THSD7A: variants seen among roughly 807,000 people sequenced by gnomAD.
The protein encoded by THSD7A is thrombospondin type-1 domain-containing protein 7A.
Under a neutral mutation model 231.3 loss-of-function variants are expected in THSD7A, and 96 were observed. The ratio of observed to expected loss-of-function variants is 0.41; its 90% CI spans 0.35 to 0.49. The LOEUF (loss-of-function observed/expected upper bound fraction) is 0.49. THSD7A is among the 20% of genes least tolerant of loss of function. The pLI, the probability that THSD7A is intolerant of heterozygous loss-of-function variation, is 0.05. For synonymous variants in THSD7A, 940 were observed against 743.3 expected (o/e 1.26, Z -4.30); for missense variants, 2,290 against 2,070.2 (o/e 1.11, Z -2.06).
chr7:11,433,196 C>G (rs1784532369), intron 13 of THSD7A, among the ~76,000 whole-genome samples: 1 of 152,008 alleles, frequency 6.6e-6, no homozygotes, highest in African/African-American at 2.4e-5. Flanking sequence ...TTGCAGTGAT[C>G]TACTTAAATC....
At position 11,683,202 on chromosome 7, in the gene THSD7A, G is replaced by C. The variant is rs551312592; in HGVS notation, c.191-46241C>G. Among the ~76,000 whole-genome samples, 3 of 151,316 alleles carry C rather than the reference G, an allele frequency of 2.0e-5. No homozygotes were observed. The South Asian group carries it at 6.2e-4, about 31-fold the overall frequency. On this transcript the variant is annotated intron_variant, in intron 1 of 27. Coordinates refer to ENST00000423059, the MANE Select transcript of THSD7A (RefSeq NM_015204.3). ...TAAGAATAGAAATCAATATCATCAG[G>C]AGCTCTTAAAAACCACACAAATACA...
At position 11,375,516 on chromosome 7, in the gene THSD7A, T is replaced by C. The variant is rs939343834; in HGVS notation, c.*278A>G. 3.8e-6 allele frequency: 1 copy of C among 266,148 alleles called. No homozygotes were observed. The highest frequency in any genetic ancestry group is 6.6e-5 in the East Asian group (1 of 15,094). The allele number at this position is 266,148 out of a possible 1,614,324, so 16.5% of individuals were successfully genotyped here. ...ATTTTTTAGAGATGAAAGTGGTTTT[T>C]CAGTCGGTAGATTTCAGAAAAGATG... On this transcript the variant is annotated 3_prime_UTR_variant, in exon 28 of 28. Coordinates refer to ENST00000423059, the MANE Select transcript of THSD7A (RefSeq NM_015204.3).
At position 11,504,210 on chromosome 7, in the gene THSD7A, C is replaced by G. The variant is rs556152674; in HGVS notation, c.1823-22228G>C. On this transcript the variant is annotated intron_variant, in intron 6 of 27. Transcript: ENST00000423059. ...CATCCTCAGAAAGCTAATGCAGGAA[C>G]AGAAAATCAAATACCACATGCTTTC... Among the ~76,000 whole-genome samples the G allele has an allele frequency of 5.9e-5, 9 of 152,206 alleles. No individual in the cohort carries two copies. The South Asian group carries it at 1.7e-3, about 28-fold the overall frequency.
At chr7:11,681,528 TATGA>T (rs1449543998) in intron 1 of THSD7A, among the ~76,000 whole-genome samples, 2 of 152,072 alleles carry the variant, frequency 1.3e-5, no homozygotes, top group Admixed American at 1.3e-4. Flanking sequence ...AGATCAGTCC[TATGA>T]ATCATCCTAT....
chr7:11,531,900 T>C (rs993530913), intron 6 of THSD7A, among the ~76,000 whole-genome samples: 1 of 152,118 alleles, frequency 6.6e-6, no homozygotes, highest in Non-Finnish European at 1.5e-5. Context: ...ATGTGCCAGA[T>C]TCAGTATGTC....
At chr7:11,757,995 A>G (rs1011111818) in intron 1 of THSD7A, among the ~76,000 whole-genome samples, 2 of 121,856 alleles carry the variant, frequency 1.6e-5, no homozygotes, top group African/African-American at 6.4e-5. Context: ...CTAACATTAT[A>G]TATACATATG....
intron 23 of THSD7A, among the ~76,000 whole-genome samples, chr7:11,393,777 T>C (rs1783075285): frequency 6.6e-6 from 1 of 151,888 alleles, no homozygotes; most frequent in Admixed American, 6.6e-5. Flanking sequence ...AGATTGAAGA[T>C]CAACTTAATG....
intron 4 of THSD7A, among the ~76,000 whole-genome samples, chr7:11,563,657 C>T (rs140512466): frequency 6.6e-6 from 1 of 152,240 alleles, no homozygotes; most frequent in African/African-American, 2.4e-5. Flanking sequence ...CCACGATGCC[C>T]AGCCACTGAG....
chr7:11,484,901 T>TTTTTTTG (rs1786589434), intron 6 of THSD7A, among the ~76,000 whole-genome samples: 3 of 128,834 alleles, frequency 2.3e-5, no homozygotes, highest in African/African-American at 9.0e-5. Flanking sequence ...TTTTTTTTTT[T>TTTTTTTG]TTTTGTGGAG....
chr7:11,474,219 T>G lies in THSD7A; in HGVS notation c.2252+115A>C. On this transcript the variant is annotated intron_variant, in intron 8 of 27. Transcript: ENST00000423059. The surrounding 1 kb of genome is among the most constrained non-coding windows in gnomAD (Gnocchi z 4.1). ...TTTCAAAACAAACAAATCTTGCTCT[T>G]GAGGACAGGTATGACAAGCATCAAA... The G allele has an allele frequency of 2.3e-6, 2 of 856,772 alleles. No individual in the cohort carries two copies. The highest frequency in any genetic ancestry group is 5.5e-5 in the East Asian group (2 of 36,660). 53.1% of individuals were successfully genotyped at this position (856,772 alleles called of 1,614,324 possible).
intron 1 of THSD7A, among the ~76,000 whole-genome samples, chr7:11,733,270 G>C (rs1781798956): frequency 1.3e-5 from 2 of 151,838 alleles, no homozygotes; most frequent in South Asian, 2.1e-4. Context: ...TATTATGTCA[G>C]TAACAGCCCT....
At chr7:11,555,770 A>G (rs899658864) in intron 4 of THSD7A, among the ~76,000 whole-genome samples, 1 of 151,504 alleles carries the variant, frequency 6.6e-6, no homozygotes, top group Admixed American at 6.6e-5. Flanking sequence ...GCACAAACAC[A>G]TAGAATTCCT....
intron 1 of THSD7A, among the ~76,000 whole-genome samples, chr7:11,700,020 T>C (rs1303740652): frequency 6.6e-6 from 1 of 151,346 alleles, no homozygotes. Flanking sequence ...TTAAAGTTAT[T>C]TGGTAATAGT....
At chr7:11,494,432 CCAAT>C (rs1181733422) in intron 6 of THSD7A, among the ~76,000 whole-genome samples, 1 of 152,028 alleles carries the variant, frequency 6.6e-6, no homozygotes, top group Non-Finnish European at 1.5e-5. Context: ...AAACCTCTCC[CCAAT>C]CTAAATCAGC....
intron 7 of THSD7A, among the ~76,000 whole-genome samples, chr7:11,476,358 CA>C (rs1786179808): frequency 6.7e-6 from 1 of 149,058 alleles, no homozygotes; most frequent in Non-Finnish European, 1.5e-5. Flanking sequence ...CACACACACA[CA>C]CACCATTTTT....
intron 4 of THSD7A, among the ~76,000 whole-genome samples, chr7:11,546,202 G>GCGCGCACACACACACACACACA (rs761841418): frequency 2.3e-5 from 3 of 129,442 alleles, no homozygotes; most frequent in Non-Finnish European, 3.3e-5. Context: ...GTGGGCGCGC[G>GCGCGCACACACACACACACACA]CTCACACACA....
intron 24 of THSD7A, among the ~76,000 whole-genome samples, chr7:11,380,494 TTAATC>T (rs1245561529): frequency 1.3e-5 from 2 of 152,206 alleles, no homozygotes; most frequent in Non-Finnish European, 2.9e-5. Flanking sequence ...TCTCTGGAAT[TTAATC>T]ACAGGCGCCT....
rs796121872 is a variant in THSD7A, at chr7:11,653,455, T to G, written c.191-16494A>C. On this transcript the variant is annotated intron_variant, in intron 1 of 27. Coordinates refer to ENST00000423059, the MANE Select transcript of THSD7A (RefSeq NM_015204.3). ...CGAGATCCACTCCCAGATATGTGTGTGTGTGTGTGTGTGTGTGTGTGTGTG... is the reference window on the plus strand; with the variant it reads ...CGAGATCCACTCCCAGATATGTGTGGGTGTGTGTGTGTGTGTGTGTGTGTG... Among the ~76,000 whole-genome samples, 12 of 100,076 alleles carry G rather than the reference T, an allele frequency of 1.2e-4. No individual in the cohort carries two copies. In the East Asian group the frequency reaches 1.9e-3, roughly 16 times the overall value. The allele number at this position is 100,076 out of a possible 152,430, so 65.7% of individuals were successfully genotyped here. A position where few individuals can be genotyped will look rare whatever the true frequency, so the allele number is the denominator to read the frequency against.
chr7:11,413,397 G>A (rs1783853752), intron 17 of THSD7A, among the ~76,000 whole-genome samples: 1 of 151,376 alleles, frequency 6.6e-6, no homozygotes, highest in Non-Finnish European at 1.5e-5. Context: ...CGGCCTTTAG[G>A]CGTTCTTCCG....
Sources: gnomAD v4.1 joint callset for allele counts (sites outside exome capture counted in the v4.1 genomes callset) on GRCh38, gnomAD v4.1.1 for gene constraint, Gnocchi (gnomAD v3.1) non-coding constraint, MANE v1.5 for transcripts, NCBI Gene and HGNC (gene_info 2026-07-23, HGNC 2026-07-21) for gene names.